ABCA4: variants seen among roughly 807,000 people sequenced by gnomAD.
ABCA4 encodes the protein retinal-specific phospholipid-transporting ATPase ABCA4.
In ABCA4, 196 loss-of-function variants were observed where a neutral mutation model predicts 263.7. The observed-to-expected ratio is 0.74, with a 90% confidence interval of 0.66 to 0.84. ABCA4 has a LOEUF of 0.84. ABCA4 is among the 40% of genes least tolerant of loss of function. The pLI, the probability that ABCA4 is intolerant of heterozygous loss-of-function variation, is 0.00. For missense variants in ABCA4, 2,792 were observed against 2,855.1 expected (o/e 0.98, Z 0.50); for synonymous variants, 1,133 against 1,094.2 (o/e 1.04, Z -0.70).
chr1:94,033,448 A>G (rs1660259295), intron 26 of ABCA4, among the ~76,000 whole-genome samples: 1 of 152,022 alleles, frequency 6.6e-6, no homozygotes, highest in Admixed American at 6.6e-5. Flanking sequence ...GAAAAAAAAA[A>G]AGAACATTTC....
chr1:94,116,994 CTTTCTTTCTTTCTTTCT>C (rs1557812350), intron 1 of ABCA4, among the ~76,000 whole-genome samples: 2 of 112,992 alleles, frequency 1.8e-5, no homozygotes. Context: ...TTCTTTCTTT[CTTTCTTTCTTTCTTTCT>C]TTCTTTCTTT....
At chr1:94,056,938 A>T in intron 14 of ABCA4, 116 bp from the exon 15 acceptor site, 1 of 858,356 alleles carries the variant, frequency 1.2e-6, no homozygotes, top group Non-Finnish European at 1.9e-6. Flanking sequence ...TTCTACGCAC[A>T]CTCCATGTGC....
Position 94,060,635 on chromosome 1 carries a change from T to G in ABCA4, c.2062A>C (p.Asn688His), listed in dbSNP as rs1259726208. ...ATCACTGCATTGGAGACACCCTGAT[T>G]TTTCAAGGTCTCCTTCAGTCGCAAC... Reference protein sequence around the residue: ...KELRLKETLKNQGVSNAVIWC... With the variant: ...KELRLKETLKHQGVSNAVIWC... The change falls in exon 14 of 50, where the codon AAT (asparagine) becomes CAT (histidine). Residue 688 changes from asparagine to histidine, a missense_variant. Coordinates refer to ENST00000370225, the MANE Select transcript of ABCA4 (RefSeq NM_000350.3). 2 of 1,614,006 alleles carry G rather than the reference T, an allele frequency of 1.2e-6. No homozygotes were observed. The highest frequency in any genetic ancestry group is 2.2e-5 in the South Asian group (2 of 91,076).
rs145219477 is a variant in ABCA4, at chr1:94,045,430, A to T, written c.2919-686T>A. ...CATTAGAACAGCGCCAGCATAAAGT[A>T]AAACTCAAAAATATTATTACTGTTA... On this transcript the variant is annotated intron_variant, in intron 19 of 49. Transcript: ENST00000370225. 1.8e-4 allele frequency among the ~76,000 whole-genome samples: 27 copies of T among 152,258 alleles called. No homozygotes were observed. In the East Asian group the frequency reaches 5.2e-3, roughly 29 times the overall value.
intron 5 of ABCA4, among the ~76,000 whole-genome samples, chr1:94,101,418 C>T (rs1441350451): frequency 6.6e-6 from 1 of 152,230 alleles, no homozygotes; most frequent in Non-Finnish European, 1.5e-5. Context: ...GCCAAGCTCA[C>T]CCTGCCTCCA....
chr1:93,995,039 C>T (rs1571238409), intron 49 of ABCA4, among the ~76,000 whole-genome samples: 1 of 152,312 alleles, frequency 6.6e-6, no homozygotes, highest in East Asian at 1.9e-4. Context: ...CAGCAATCAC[C>T]AGATCTATAA....
chr1:94,112,845 A>T, intron 2 of ABCA4, 128 bp downstream of exon 2: 2 of 760,078 alleles, frequency 2.6e-6, no homozygotes. Context: ...AATCTGTTAC[A>T]TGCATCATAG....
intron 10 of ABCA4, 50 bp downstream of exon 10, chr1:94,078,540 C>A: frequency 8.5e-7 from 1 of 1,171,956 alleles, no homozygotes; most frequent in South Asian, 1.2e-5. Flanking sequence ...ACTTTCTTGC[C>A]CCCACCGCTT....
chr1:94,079,174 G>C, intron 9 of ABCA4, 148 bp downstream of exon 9: 2 of 1,166,192 alleles, frequency 1.7e-6, no homozygotes, highest in Non-Finnish European at 2.5e-6. Flanking sequence ...GATGACTGTG[G>C]ATGGGGGAGG....
intron 6 of ABCA4, 152 bp downstream of exon 6, chr1:94,098,642 A>G (rs967694691): frequency 2.4e-6 from 2 of 839,122 alleles, no homozygotes; most frequent in Non-Finnish European, 3.9e-6. Flanking sequence ...TAGAAATACT[A>G]TCAGTTGTGA....
intron 5 of ABCA4, among the ~76,000 whole-genome samples, chr1:94,100,744 G>T (rs1009995603): frequency 1.3e-5 from 2 of 152,192 alleles, no homozygotes; most frequent in Admixed American, 1.3e-4. Context: ...GGACCAGGAG[G>T]GGTATCCAGT....
chr1:94,116,047 G>C (rs1407699105), intron 1 of ABCA4, among the ~76,000 whole-genome samples: 3 of 152,096 alleles, frequency 2.0e-5, no homozygotes, highest in Non-Finnish European at 4.4e-5. Context: ...CCCTTGCAAG[G>C]CTTGTCACGC....
intron 47 of ABCA4, among the ~76,000 whole-genome samples, chr1:94,000,534 A>T (rs12070274): frequency 0.13 from 19,344 of 152,152 alleles, 2,039 homozygotes; most frequent in African/African-American, 0.29. Flanking sequence ...AAGTGGTGAA[A>T]TATTGAGGCA....
At chr1:94,013,283 G>A (rs1368172359) in intron 38 of ABCA4, among the ~76,000 whole-genome samples, 3 of 152,154 alleles carry the variant, frequency 2.0e-5, no homozygotes, top group South Asian at 4.1e-4. Context: ...TGGGACAGAT[G>A]AGGCTTCGTT....
intron 6 of ABCA4, among the ~76,000 whole-genome samples, chr1:94,089,845 A>T (rs1290792898): frequency 6.6e-6 from 1 of 152,242 alleles, no homozygotes; most frequent in Non-Finnish European, 1.5e-5. Context: ...CTAATATTAA[A>T]TATTGAAATA....
In ABCA4 at chr1:94,098,819, A is replaced by G. The variant is rs774537777; in HGVS notation, c.743T>C (p.Val248Ala). 6.2e-7 allele frequency: 1 copy of G among 1,614,164 alleles called. No individual in the cohort carries two copies. The highest frequency in any genetic ancestry group is 1.1e-5 in the South Asian group (1 of 91,076). Reference protein sequence around the residue: ...QWIEDTLYANVDFFKLFRVLP... With the variant: ...QWIEDTLYANADFFKLFRVLP... ...CACACGGAAGAGCTTGAAGAAGTCC[A>G]CGTTGGCATACAGAGTGTCTTCTAT... Residue 248 changes from valine (V) to alanine (A), a missense_variant, in exon 6 of 50, where the codon GTG becomes GCG. Coordinates refer to ENST00000370225, the MANE Select transcript of ABCA4 (RefSeq NM_000350.3).
intron 21 of ABCA4, among the ~76,000 whole-genome samples, 164 bp downstream of exon 21, chr1:94,043,172 C>T (rs962108404): frequency 6.6e-5 from 10 of 152,216 alleles, no homozygotes; most frequent in African/African-American, 1.7e-4. Context: ...CAGTGCTCTG[C>T]AGGGAAAATG....
At chr1:94,016,650 A>G (rs1464050015) in intron 36 of ABCA4, among the ~76,000 whole-genome samples, 1 of 152,166 alleles carries the variant, frequency 6.6e-6, no homozygotes, top group East Asian at 1.9e-4. Flanking sequence ...AAAAACTAGA[A>G]TGAGCCCTGT....
intron 24 of ABCA4, 26 bp from the exon 25 acceptor site, chr1:94,037,376 C>T (rs1401207380): frequency 3.1e-6 from 5 of 1,606,172 alleles, no homozygotes; most frequent in Non-Finnish European, 4.3e-6. Flanking sequence ...AGACTGATGC[C>T]AGCTCTGTTT....
Sources: gnomAD v4.1 joint callset for allele counts (sites outside exome capture counted in the v4.1 genomes callset) on GRCh38, gnomAD v4.1.1 for gene constraint, MANE v1.5 for transcripts, NCBI Gene and HGNC (gene_info 2026-07-23, HGNC 2026-07-21) for gene names.